The following KPNA5 variants were observed in gnomAD, a reference collection of about 807,000 sequenced individuals.
KPNA5 encodes the protein karyopherin subunit alpha 5.
A neutral mutation model predicts 71.3 loss-of-function variants in KPNA5; 46 were observed. The ratio of observed to expected loss-of-function variants is 0.65; its 90% CI spans 0.51 to 0.83. The LOEUF (loss-of-function observed/expected upper bound fraction) is 0.83. Among genes scored for constraint, KPNA5 ranks in the 40% least tolerant of loss-of-function variants. KPNA5 has a pLI of 0.00. For missense variants in KPNA5, 547 were observed against 628.3 expected (o/e 0.87, Z 1.38); for synonymous variants, 207 against 201.4 (o/e 1.03, Z -0.24).
At position 116,709,408 on chromosome 6, in the gene KPNA5, G is replaced by A. The variant is rs116081034; in HGVS notation, c.656+4248G>A. Among the ~76,000 whole-genome samples, 505 of 152,254 alleles carry A rather than the reference G, an allele frequency of 3.3e-3. 3 individuals carry two copies. Among genetic ancestry groups the A allele is most frequent in the African/African-American group, 0.012 (483 of 41,550 alleles). On this transcript the variant is annotated intron_variant, in intron 7 of 13. Coordinates refer to ENST00000368564, the MANE Select transcript of KPNA5 (RefSeq NM_001366306.2). ...AAATGGAGTTTCATCACATTGGCCA[G>A]GCTGGTCTTGAAGTCGAATTTGAGG... is the stretch of plus-strand genomic sequence containing the variant.
Position 116,732,318 on chromosome 6 carries a change from C to G in KPNA5, c.1615C>G (p.Leu539Val), listed in dbSNP as rs558291176. Residue 539 changes from leucine (L) to valine (V), a missense_variant, in exon 14 of 14, where the codon CTT becomes GTT. By Grantham distance (32) the Leu-to-Val change is conservative. Transcript: ENST00000368564. Reference sequence around the variant, plus strand: ...GGAAGCACCAATGGATGGATTTCAACTTTAACTTACTGGAGGAAAAAAAAT... The same window carrying G: ...GGAAGCACCAATGGATGGATTTCAAGTTTAACTTACTGGAGGAAAAAAAAT... ...QQEAPMDGFQ[L>V] 11 of 1,487,346 alleles carry G rather than the reference C, an allele frequency of 7.4e-6. No individual in the cohort carries two copies. The South Asian group carries it at 1.5e-4, about 20-fold the overall frequency. 92.1% of individuals were successfully genotyped at this position (1,487,346 alleles called of 1,614,324 possible).
rs865841594 is a variant in KPNA5 at position 116,738,618 on chromosome 6, C to T, written c.*6295C>T. 28 of 151,354 alleles carry T rather than the reference C, an allele frequency of 1.8e-4. No individual in the cohort carries two copies. The highest frequency in any genetic ancestry group is 4.9e-4 in the African/African-American group (20 of 41,216). 9.4% of individuals were successfully genotyped at this position (151,354 alleles called of 1,614,324 possible). ...AATCCTCAATAAAATACTGGCAAAC[C>T]GAATCCAGCAGCACATCAAAAAGCT... On this transcript the variant is annotated 3_prime_UTR_variant, in exon 14 of 14. Coordinates refer to ENST00000368564, the MANE Select transcript of KPNA5 (RefSeq NM_001366306.2).
rs1472430753 is a variant in KPNA5 at position 116,710,891 on chromosome 6, A to AT, written c.657-5327dup. Among the ~76,000 whole-genome samples, 156 of 70,050 alleles carry AT rather than the reference A, an allele frequency of 2.2e-3. 1 individual carries two copies. Among genetic ancestry groups the AT allele is most frequent in the South Asian group, 6.9e-3 (12 of 1,732 alleles). The allele number at this position is 70,050 out of a possible 152,430, so 46.0% of individuals were successfully genotyped here. A position where few individuals can be genotyped will look rare whatever the true frequency, so the allele number is the denominator to read the frequency against. On this transcript the variant is annotated intron_variant, in intron 7 of 13. Coordinates refer to ENST00000368564, the MANE Select transcript of KPNA5 (RefSeq NM_001366306.2). The stretch of plus-strand genomic sequence containing the variant: ...TATTATTTTATATATATATATATAT[A>AT]TATTTTTTTTTTTTTTTTTTTGAGT...
intron 4 of KPNA5, among the ~76,000 whole-genome samples, chr6:116,696,369 T>A (rs886712471): frequency 6.6e-6 from 1 of 152,190 alleles, no homozygotes; most frequent in Non-Finnish European, 1.5e-5. Context: ...AAAGCAAGCA[T>A]CTAGAGGCCA....
chr6:116,723,534 T>G (rs965606660), intron 9 of KPNA5, among the ~76,000 whole-genome samples: 10 of 152,190 alleles, frequency 6.6e-5, no homozygotes, highest in African/African-American at 2.4e-4. Flanking sequence ...AATGGACAGA[T>G]GTCAAAAGAA....
chr6:116,710,231 AT>A (rs1462321508), intron 7 of KPNA5, among the ~76,000 whole-genome samples: 2 of 152,190 alleles, frequency 1.3e-5, no homozygotes, highest in Non-Finnish European at 2.9e-5. Context: ...TGGTCATAGT[AT>A]AAGCTGCTAG....
intron 4 of KPNA5, among the ~76,000 whole-genome samples, chr6:116,692,963 C>T (rs897128203): frequency 7.9e-5 from 12 of 152,226 alleles, no homozygotes; most frequent in Non-Finnish European, 2.9e-5. Flanking sequence ...TCAATTCCCA[C>T]CTATGAGTGA....
Position 116,732,266 on chromosome 6 carries a change from C to T in KPNA5, c.1563C>T (p.Asn521=). The change falls in exon 14 of 14, where the codon AAC becomes AAT. Residue 521 remains asparagine, a synonymous_variant. Transcript: ENST00000368564. ...GCATTGTACCTCAGGTGGATGAAAA[C>T]CAACAACAGTTTATATTTCAGCAGC... ...DPSIVPQVDE[N]QQQFIFQQQE... The T allele has an allele frequency of 9.0e-6, 14 of 1,557,324 alleles. No homozygotes were observed. The highest frequency in any genetic ancestry group is 1.2e-5 in the Non-Finnish European group (14 of 1,150,106).
At chr6:116,707,940 C>T in intron 7 of KPNA5, among the ~76,000 whole-genome samples, 1 of 152,282 alleles carries the variant, frequency 6.6e-6, no homozygotes, top group South Asian at 2.1e-4. Flanking sequence ...CACCTTGTGC[C>T]TTGGAAACTA....
Position 116,712,235 on chromosome 6 carries a change from C to T in KPNA5, c.657-3984C>T, listed in dbSNP as rs545696830. 4.5e-4 allele frequency among the ~76,000 whole-genome samples: 68 copies of T among 152,338 alleles called. 1 individual carries two copies. The South Asian group carries it at 0.014, about 31-fold the overall frequency. ...GGATTACAAGCATGAGCCACCACAT[C>T]TGACCCATGTGTTACTTCTTCCTGA... On this transcript the variant is annotated intron_variant, in intron 7 of 13. Coordinates refer to ENST00000368564, the MANE Select transcript of KPNA5 (RefSeq NM_001366306.2).
rs1779408845 is a variant in KPNA5, at chr6:116,729,544, CTT to C, written c.1254-16_1254-15del. ...AAATCTTTTTTTCCCTGTTTCTTCT[CTT>C]TTATATTAATCTGAAGGTATTTGGT... On this transcript the variant is annotated splice_polypyrimidine_tract_variant and intron_variant, in intron 12 of 13. Transcript: ENST00000368564. 4.2e-6 allele frequency: 6 copies of C among 1,416,438 alleles called. No individual in the cohort carries two copies. In the South Asian group the frequency reaches 1.0e-4, roughly 24 times the overall value. The allele number at this position is 1,416,438 out of a possible 1,614,324, so 87.7% of individuals were successfully genotyped here. A position where few individuals can be genotyped will look rare whatever the true frequency, so the allele number is the denominator to read the frequency against.
chr6:116,725,963 C>A (rs1779272665), intron 11 of KPNA5, 87 bp downstream of exon 11: 3 of 1,442,738 alleles, frequency 2.1e-6, no homozygotes, highest in Admixed American at 2.3e-5. Context: ...AAAAAAGATT[C>A]CTTTTTAAAA....
At chr6:116,704,226 A>G (rs2114420024) in intron 6 of KPNA5, among the ~76,000 whole-genome samples, 1 of 152,212 alleles carries the variant, frequency 6.6e-6, no homozygotes, top group East Asian at 1.9e-4. Context: ...TTTAGTAGAG[A>G]TGGGGTTTCA....
At position 116,729,818 on chromosome 6, in the gene KPNA5, A is replaced by AT. The variant is rs1268035646; in HGVS notation, c.1432+84dup. On this transcript the variant is annotated intron_variant, in intron 13 of 13. Transcript: ENST00000368564. ...TACTTTCCCCTTCCAGTTCCCTACA[A>AT]TTTTTTTGTTGTAAAAGCAGTATGT... 5.3e-6 allele frequency: 5 copies of AT among 951,052 alleles called. No individual in the cohort carries two copies. In the Admixed American group the frequency reaches 9.3e-5, roughly 18 times the overall value. The allele number at this position is 951,052 out of a possible 1,614,324, so 58.9% of individuals were successfully genotyped here.
intron 1 of KPNA5, among the ~76,000 whole-genome samples, chr6:116,683,896 C>CTTTTTT (rs140446065): frequency 5.4e-4 from 32 of 59,614 alleles, no homozygotes; most frequent in Non-Finnish European, 7.1e-4. Context: ...CGTGCCCGGC[C>CTTTTTT]TTTTTTTTTT....
rs992815931 is a variant in KPNA5, at chr6:116,739,991, A to T, written c.*7668A>T. 4 of 152,220 alleles carry T rather than the reference A, an allele frequency of 2.6e-5. No homozygotes were observed. Among genetic ancestry groups the T allele is most frequent in the South Asian group, 4.1e-4 (2 of 4,830 alleles). The allele number at this position is 152,220 out of a possible 1,614,324, so 9.4% of individuals were successfully genotyped here. Reference sequence around the variant, plus strand: ...GCAATGGCAACAAAAGCCAAAATTGACAAATGGGATGTAATTGAACTAAAG... The same window carrying T: ...GCAATGGCAACAAAAGCCAAAATTGTCAAATGGGATGTAATTGAACTAAAG... On this transcript the variant is annotated 3_prime_UTR_variant, in exon 14 of 14. Coordinates refer to ENST00000368564, the MANE Select transcript of KPNA5 (RefSeq NM_001366306.2).
At chr6:116,726,335 A>T (rs2114496081) in intron 11 of KPNA5, among the ~76,000 whole-genome samples, 160 bp from the exon 12 acceptor site, 1 of 152,182 alleles carries the variant, frequency 6.6e-6, no homozygotes, top group African/African-American at 2.4e-5. Flanking sequence ...AAAGAAAAAT[A>T]TTTGAAAAGT....
At chr6:116,688,553 TAA>T (rs1410204803) in intron 1 of KPNA5, among the ~76,000 whole-genome samples, 2 of 152,146 alleles carry the variant, frequency 1.3e-5, no homozygotes, top group Non-Finnish European at 2.9e-5. Flanking sequence ...GTTACATTGT[TAA>T]AGTTTATAAT....
intron 7 of KPNA5, among the ~76,000 whole-genome samples, chr6:116,710,908 T>A (rs555161629): frequency 0.19 from 21,493 of 110,754 alleles, 3,614 homozygotes; most frequent in African/African-American, 0.4. Context: ...TTTTTTTTTT[T>A]TTTTGAGTTG....
Sources: allele counts gnomAD v4.1 joint callset (sites outside exome capture counted in the v4.1 genomes callset), GRCh38; gene constraint gnomAD v4.1.1; transcripts MANE v1.5; gene names NCBI Gene and HGNC (gene_info 2026-07-23, HGNC 2026-07-21).